IGSF10: variants seen among roughly 807,000 people sequenced by gnomAD.
IGSF10 encodes calvaria mechanical force protein 608.
In IGSF10, 126 loss-of-function variants were observed where a neutral mutation model predicts 128.2. The ratio of observed to expected loss-of-function variants is 0.98; its 90% CI spans 0.85 to 1.14. The LOEUF (loss-of-function observed/expected upper bound fraction) is 1.14, where lower values mean the gene tolerates loss of function less well. Ranked by LOEUF, IGSF10 falls within the 50% of genes most tolerant of loss-of-function variation. The pLI is 0.00. For synonymous variants in IGSF10, 1,185 were observed against 1,146.2 expected (o/e 1.03, Z -0.68); for missense variants, 3,295 against 3,149.8 (o/e 1.05, Z -1.10).
At chr3:151,489,286 T>C in the IGSF10 span, among the ~76,000 whole-genome samples, 75,666 of 152,002 alleles carry the variant, frequency 0.5, 19,608 homozygotes, top group African/African-American at 0.64. Flanking sequence ...TACCATCTCA[T>C]GCCAGTTAGA....
At chr3:151,549,281 T>C in the IGSF10 span, among the ~76,000 whole-genome samples, 1 of 152,166 alleles carries the variant, frequency 6.6e-6, no homozygotes, top group African/African-American at 2.4e-5. Flanking sequence ...TGGCAGGAAC[T>C]GATGTGATTC....
At chr3:151,497,307 AG>A in the IGSF10 span, among the ~76,000 whole-genome samples, 1 of 152,140 alleles carries the variant, frequency 6.6e-6, no homozygotes, top group African/African-American at 2.4e-5. Context: ...TTATGGCTTT[AG>A]GTCTAACTTT....
chr3:151,596,966 T>C, the IGSF10 span, among the ~76,000 whole-genome samples: 1 of 151,764 alleles, frequency 6.6e-6, no homozygotes, highest in African/African-American at 2.4e-5. Flanking sequence ...GTAGTTCCTA[T>C]GAGACTCCAG....
chr3:151,589,268 T>C, the IGSF10 span, among the ~76,000 whole-genome samples: 185 of 152,330 alleles, frequency 1.2e-3, no homozygotes, highest in Admixed American at 2.9e-3. Flanking sequence ...TTTCTACAAA[T>C]AGAACCAAAT....
At chr3:151,509,555 C>A in the IGSF10 span, among the ~76,000 whole-genome samples, 1 of 152,226 alleles carries the variant, frequency 6.6e-6, no homozygotes, top group Non-Finnish European at 1.5e-5. Flanking sequence ...ATGAGTGACA[C>A]AGAAGACGGG....
chr3:151,576,920 GGC>G, the IGSF10 span, among the ~76,000 whole-genome samples: 1 of 147,474 alleles, frequency 6.8e-6, no homozygotes, highest in East Asian at 1.9e-4. Flanking sequence ...CAGCCCTTGG[GGC>G]TGCTCTACCT....
rs1176894266 is a variant in IGSF10, at chr3:151,449,041, C to T, written c.940G>A (p.Gly314Ser). 1 of 1,614,164 alleles carries T rather than the reference C, an allele frequency of 6.2e-7. No individual in the cohort carries two copies. Among genetic ancestry groups the T allele is most frequent in the Non-Finnish European group, 8.5e-7 (1 of 1,180,016 alleles). The change falls in exon 6 of 8, where the codon GGC becomes AGC. Residue 314 changes from glycine (G) to serine (S), a missense_variant. Physicochemically the swap from Gly to Ser is moderately conservative, Grantham distance 56 (BLOSUM62 0). Coordinates refer to ENST00000282466, the MANE Select transcript of IGSF10 (RefSeq NM_178822.5). ...ISPQGFMAPF[G>S]SLTLNMTDQS... ...TCTGTCATATTCAAAGTGAGGGAGC[C>T]AAAGGGTGCCATGAAACCTTGGGGA...
the IGSF10 span, among the ~76,000 whole-genome samples, chr3:151,602,180 G>T: frequency 6.6e-6 from 1 of 152,174 alleles, no homozygotes; most frequent in South Asian, 2.1e-4. Flanking sequence ...GGGATTCTAA[G>T]ACTAGAACTG....
At chr3:151,504,850 C>G in the IGSF10 span, among the ~76,000 whole-genome samples, 1 of 152,176 alleles carries the variant, frequency 6.6e-6, no homozygotes, top group African/African-American at 2.4e-5. Flanking sequence ...TAAGATTTGG[C>G]TGAGACCTTT....
rs146482010 is a variant in IGSF10, at chr3:151,448,972, G to A, written c.1009C>T (p.Pro337Ser). ...EANMVCSIQK[P>S]SRTSPIAFTE... is the part of the protein sequence containing the mutation. ...AATGCAATGGGTGATGTCCTTGAGG[G>A]CTTTTGAATACTGCAGACCATGTTA... The change falls in exon 6 of 8, where the codon CCC becomes TCC. Residue 337 changes from proline to serine, a missense_variant. By Grantham distance (74) the Pro-to-Ser change is moderately conservative (BLOSUM62 -1). Coordinates refer to ENST00000282466, the MANE Select transcript of IGSF10 (RefSeq NM_178822.5). 3.7e-6 allele frequency: 6 copies of A among 1,614,182 alleles called. No homozygotes were observed. In the Admixed American group the frequency reaches 5.0e-5, roughly 13 times the overall value.
chr3:151,518,629 T>C, the IGSF10 span, among the ~76,000 whole-genome samples: 3 of 152,018 alleles, frequency 2.0e-5, no homozygotes, highest in African/African-American at 4.8e-5. Flanking sequence ...CTCTGATTTC[T>C]CACCAATTGT....
chr3:151,448,380 C>T lies in IGSF10; in HGVS notation c.1601G>A (p.Gly534Glu), dbSNP rs779892499. ...ATCAGCCATCTGGAGTTCCAATTTTCCACTTTTGTCTATTAGGATCCGTCC... is the reference window on the plus strand; with the variant it reads ...ATCAGCCATCTGGAGTTCCAATTTTTCACTTTTGTCTATTAGGATCCGTCC... ...EDGRILIDKS[G>E]KLELQMADSF... The change falls in exon 6 of 8, where the codon GGA (glycine) becomes GAA (glutamate). Residue 534 changes from glycine (G) to glutamate (E), a missense_variant. Transcript: ENST00000282466. 6.8e-6 allele frequency: 11 copies of T among 1,614,096 alleles called. No individual in the cohort carries two copies. The Admixed American group carries it at 1.7e-4, about 24-fold the overall frequency.
At chr3:151,461,536 G>T (rs1399870437), upstream of IGSF10, 8 of 615,172 alleles carry the variant, frequency 1.3e-5, no homozygotes, top group Non-Finnish European at 1.6e-5. Flanking sequence ...ATAGTAAAAT[G>T]GTTACTATAG....
the IGSF10 span, among the ~76,000 whole-genome samples, chr3:151,618,291 T>G: frequency 1.3e-5 from 2 of 152,298 alleles, no homozygotes; most frequent in African/African-American, 4.8e-5. Flanking sequence ...TGTTAGGAAA[T>G]ACATTTCTAT....
At chr3:151,503,541 G>T in the IGSF10 span, among the ~76,000 whole-genome samples, 14 of 152,188 alleles carry the variant, frequency 9.2e-5, no homozygotes, top group Non-Finnish European at 1.6e-4. Context: ...AGATATATTA[G>T]AAAAAATTGT....
chr3:151,545,854 C>T, the IGSF10 span, among the ~76,000 whole-genome samples: 1 of 152,008 alleles, frequency 6.6e-6, no homozygotes, highest in Admixed American at 6.6e-5. Context: ...TGTCATGAAT[C>T]AGGAAGAAGC....
In IGSF10 at chr3:151,437,683, T is replaced by C. The variant is rs371260847; in HGVS notation, c.6878A>G (p.His2293Arg). 25 of 1,614,090 alleles carry C rather than the reference T, an allele frequency of 1.5e-5. No individual in the cohort carries two copies. In the South Asian group the frequency reaches 2.6e-4, roughly 17 times the overall value. The change falls in exon 8 of 8, where the codon CAT becomes CGT. Residue 2293 changes from histidine (H) to arginine (R), a missense_variant. Coordinates refer to ENST00000282466, the MANE Select transcript of IGSF10 (RefSeq NM_178822.5). The part of the protein sequence containing the change: ...APYYGSRITV[H>R]KNGTLEIRNV... Reference sequence around the variant, plus strand: ...CCTAATTTCCAAGGTTCCATTTTTATGGACTGTGATTCTGCTTCCATAGTA... The same window carrying C: ...CCTAATTTCCAAGGTTCCATTTTTACGGACTGTGATTCTGCTTCCATAGTA...
chr3:151,549,223 T>C, the IGSF10 span, among the ~76,000 whole-genome samples: 1,014 of 152,232 alleles, frequency 6.7e-3, 11 homozygotes, highest in African/African-American at 0.023. Flanking sequence ...GGCCATTTCA[T>C]TGGGGGAAGT....
chr3:151,560,018 A>G, the IGSF10 span, among the ~76,000 whole-genome samples: 1 of 152,068 alleles, frequency 6.6e-6, no homozygotes, highest in Non-Finnish European at 1.5e-5. Context: ...ACCAAATCCA[A>G]TCCAGAGCTA....
Sources: gnomAD v4.1 joint callset for allele counts (sites outside exome capture counted in the v4.1 genomes callset) on GRCh38, gnomAD v4.1.1 for gene constraint, MANE v1.5 for transcripts, NCBI Gene and HGNC (gene_info 2026-07-23, HGNC 2026-07-21) for gene names.